RPS25: variants seen among roughly 807,000 people sequenced by gnomAD.
The protein encoded by RPS25 is ribosomal protein S25, also known as small ribosomal subunit protein eS25.
Under a neutral mutation model 14.4 loss-of-function variants are expected in RPS25, and 1 was observed. That is an observed-to-expected ratio of 0.07 (90% CI 0.02 to 0.33). The LOEUF (loss-of-function observed/expected upper bound fraction) is 0.33, where lower values mean the gene tolerates loss of function less well. Among genes scored for constraint, RPS25 ranks in the 10% least tolerant of loss-of-function variants. The pLI is 1.00. For missense variants in RPS25, 65 were observed against 144.6 expected (o/e 0.45, Z 2.82); for synonymous variants, 63 against 53.8 (o/e 1.17, Z -0.75).
chr11:119,018,060 G>A lies in RPS25; in HGVS notation c.4-7C>T, dbSNP rs913831645. 1 of 1,612,180 alleles carries A rather than the reference G, an allele frequency of 6.2e-7. No homozygotes were observed. Among genetic ancestry groups the A allele is most frequent in the Non-Finnish European group, 8.5e-7 (1 of 1,179,884 alleles). On this transcript the variant is annotated splice_polypyrimidine_tract_variant and splice_region_variant and intron_variant, in intron 1 of 4. Transcript: ENST00000527673. ...TCTTGTCGTCCTTAGGCGGCTGTAG[G>A]AGGGCAGCGGGAATGCAACCAGGTC...
chr11:119,016,601 C>T (rs1019238055), intron 3 of RPS25, among the ~76,000 whole-genome samples: 12 of 151,314 alleles, frequency 7.9e-5, no homozygotes, highest in Non-Finnish European at 1.6e-4. Flanking sequence ...TCTATCCTTA[C>T]TTTTCCTTTA....
chr11:119,016,945 T>C (rs782295219), intron 3 of RPS25, among the ~76,000 whole-genome samples: 4 of 152,258 alleles, frequency 2.6e-5, no homozygotes, highest in African/African-American at 4.8e-5. Context: ...TGTGGAATTA[T>C]GGTAATCAGA....
Position 119,018,023 on chromosome 11 carries a change from C to A in RPS25, c.34G>T (p.Ala12Ser). 6.2e-7 allele frequency: 1 copy of A among 1,612,316 alleles called. No individual in the cohort carries two copies. The highest frequency in any genetic ancestry group is 8.5e-7 in the Non-Finnish European group (1 of 1,180,014). The change falls in exon 2 of 5, where the codon GCT (alanine) becomes TCT (serine). Residue 12 changes from alanine (A) to serine (S), a missense_variant. By Grantham distance (99) the Ala-to-Ser change is moderately conservative. Transcript: ENST00000527673. ...TTGTCTTTCTTGGCCGACTTTCCAGCGTCCTTCTTCTTCTTGTCGTCCTTA... is the reference window on the plus strand; with the variant it reads ...TTGTCTTTCTTGGCCGACTTTCCAGAGTCCTTCTTCTTCTTGTCGTCCTTA... The part of the protein sequence containing the change: ...PPKDDKKKKD[A>S]GKSAKKDKDP...
chr11:119,016,421 A>G (rs1943157228), intron 3 of RPS25, among the ~76,000 whole-genome samples: 1 of 151,924 alleles, frequency 6.6e-6, no homozygotes. Flanking sequence ...GAAAACAAAA[A>G]GACAGAGTTC....
intron 2 of RPS25, 187 bp from the exon 3 acceptor site, chr11:119,017,732 G>C (rs541200169): frequency 7.3e-6 from 5 of 684,214 alleles, no homozygotes; most frequent in African/African-American, 3.6e-5. Context: ...AGCCCCACTA[G>C]ATCAGTTAAA....
At position 119,015,827 on chromosome 11, in the gene RPS25, A is replaced by ACATTCCTACT; in HGVS notation, c.*4+4_*4+13dup. ...TCTACCTCCTACACCATGAGCCCAC[A>ACATTCCTACT]CATTCCTACTCACCTATTCATGCAT... On this transcript the variant is annotated intron_variant, in intron 4 of 4. Coordinates refer to ENST00000527673, the MANE Select transcript of RPS25 (RefSeq NM_001028.3). 1 of 1,540,246 alleles carries ACATTCCTACT rather than the reference A, an allele frequency of 6.5e-7. No homozygotes were observed. Among genetic ancestry groups the ACATTCCTACT allele is most frequent in the Non-Finnish European group, 9.0e-7 (1 of 1,112,820 alleles).
At chr11:119,017,252 G>T (rs1024354802) in intron 3 of RPS25, 110 bp downstream of exon 3, 2 of 800,690 alleles carry the variant, frequency 2.5e-6, no homozygotes, top group Non-Finnish European at 3.9e-6. Flanking sequence ...CAATGGTCAA[G>T]CCACGCTTTT....
chr11:119,017,911 T>A, intron 2 of RPS25, 47 bp downstream of exon 2: 1 of 1,451,570 alleles, frequency 6.9e-7, no homozygotes, highest in Non-Finnish European at 9.7e-7. Flanking sequence ...ACTAGAGGAT[T>A]ACGAGAGAGT....
At chr11:119,016,718 T>C (rs1943168113) in intron 3 of RPS25, among the ~76,000 whole-genome samples, 1 of 147,196 alleles carries the variant, frequency 6.8e-6, no homozygotes, top group African/African-American at 2.5e-5. Context: ...GCCACCTCCA[T>C]CTCCTGGGTT....
At chr11:119,016,515 A>T (rs1184198056) in intron 3 of RPS25, among the ~76,000 whole-genome samples, 1 of 151,992 alleles carries the variant, frequency 6.6e-6, no homozygotes, top group East Asian at 1.9e-4. Context: ...TAGAAATACA[A>T]GGGTACCACT....
chr11:119,016,412 AAAAC>A (rs1332721087), intron 3 of RPS25, among the ~76,000 whole-genome samples: 1 of 152,068 alleles, frequency 6.6e-6, no homozygotes, highest in African/African-American at 2.4e-5. Context: ...AAAGAAAAGG[AAAAC>A]AAAAAGACAG....
chr11:119,017,677 C>CAA (rs781825108), intron 2 of RPS25, 132 bp from the exon 3 acceptor site: 20 of 758,862 alleles, frequency 2.6e-5, no homozygotes, highest in Admixed American at 1.0e-4. Context: ...AAAACAAAAA[C>CAA]AAAAAAAAAA....
chr11:119,016,277 C>T (rs907258957), intron 3 of RPS25, among the ~76,000 whole-genome samples: 1 of 152,130 alleles, frequency 6.6e-6, no homozygotes, highest in African/African-American at 2.4e-5. Context: ...CAGAATGAGA[C>T]TCTAGTAAGG....
At position 119,015,738 on chromosome 11, in the gene RPS25, C is replaced by G; in HGVS notation, c.*25G>C. The G allele has an allele frequency of 7.9e-7, 1 of 1,266,136 alleles. No individual in the cohort carries two copies. Among genetic ancestry groups the G allele is most frequent in the Non-Finnish European group, 1.1e-6 (1 of 884,786 alleles). The allele number at this position is 1,266,136 out of a possible 1,614,324, so 78.4% of individuals were successfully genotyped here. A position where few individuals can be genotyped will look rare whatever the true frequency, so the allele number is the denominator to read the frequency against. On this transcript the variant is annotated 3_prime_UTR_variant, in exon 5 of 5. Coordinates refer to ENST00000527673, the MANE Select transcript of RPS25 (RefSeq NM_001028.3). The stretch of plus-strand genomic sequence containing the variant: ...TTGATTTAATAAAGTTTTATTTTTC[C>G]AAATGTACAGCTGGTTGGACCTGTA...
Position 119,018,039 on chromosome 11 carries a change from G to T in RPS25, c.18C>A (p.Asp6Glu). ...ACTTTCCAGCGTCCTTCTTCTTCTT[G>T]TCGTCCTTAGGCGGCTGTAGGAGGG... MPPKD[D>E]KKKKDAGKSA... Residue 6 changes from aspartate to glutamate, a missense_variant, in exon 2 of 5, where the codon GAC becomes GAA. Coordinates refer to ENST00000527673, the MANE Select transcript of RPS25 (RefSeq NM_001028.3). 6.2e-7 allele frequency: 1 copy of T among 1,612,160 alleles called. No homozygotes were observed. Among genetic ancestry groups the T allele is most frequent in the Non-Finnish European group, 8.5e-7 (1 of 1,179,988 alleles).
rs1310494531 is a variant in RPS25, at chr11:119,015,742, T to C, written c.*21A>G. 4 of 1,265,306 alleles carry C rather than the reference T, an allele frequency of 3.2e-6. No individual in the cohort carries two copies. The highest frequency in any genetic ancestry group is 4.5e-6 in the Non-Finnish European group (4 of 882,086). The allele number at this position is 1,265,306 out of a possible 1,614,324, so 78.4% of individuals were successfully genotyped here. A position where few individuals can be genotyped will look rare whatever the true frequency, so the allele number is the denominator to read the frequency against. On this transcript the variant is annotated 3_prime_UTR_variant, in exon 5 of 5. Transcript: ENST00000527673. ...TTTAATAAAGTTTTATTTTTCCAAATGTACAGCTGGTTGGACCTGTAAAAA... is the reference window on the plus strand; with the variant it reads ...TTTAATAAAGTTTTATTTTTCCAAACGTACAGCTGGTTGGACCTGTAAAAA...
intron 1 of RPS25, 61 bp from the exon 2 acceptor site, chr11:119,018,114 T>C (rs1202764119): frequency 1.3e-6 from 2 of 1,574,122 alleles, no homozygotes; most frequent in Non-Finnish European, 8.7e-7. Context: ...CCCCTAATAC[T>C]GCGCCCTCAG....
intron 2 of RPS25, 147 bp from the exon 3 acceptor site, chr11:119,017,692 G>A (rs889800222): frequency 4.5e-5 from 37 of 830,864 alleles, no homozygotes; most frequent in Non-Finnish European, 6.7e-5. Context: ...AAAAAACACC[G>A]ACACGTTTTT....
rs368219133 is a variant in RPS25, at chr11:119,018,063, G to A, written c.4-10C>T. 3.6e-5 allele frequency: 58 copies of A among 1,611,962 alleles called. No individual in the cohort carries two copies. The East Asian group carries it at 6.2e-4, about 17-fold the overall frequency. ...TGTCGTCCTTAGGCGGCTGTAGGAG[G>A]GCAGCGGGAATGCAACCAGGTCCTC... On this transcript the variant is annotated splice_polypyrimidine_tract_variant and intron_variant, in intron 1 of 4. Transcript: ENST00000527673.
Sources: allele counts gnomAD v4.1 joint callset (sites outside exome capture counted in the v4.1 genomes callset), GRCh38; gene constraint gnomAD v4.1.1; transcripts MANE v1.5; gene names NCBI Gene and HGNC (gene_info 2026-07-23, HGNC 2026-07-21).